The following PRKAR1B variants were observed in gnomAD, a reference collection of about 807,000 sequenced individuals.
PRKAR1B encodes the protein protein kinase cAMP-dependent type I regulatory subunit beta.
Under a neutral mutation model 46.5 loss-of-function variants are expected in PRKAR1B, and 22 were observed. The ratio of observed to expected loss-of-function variants is 0.47; its 90% CI spans 0.34 to 0.68. The LOEUF is 0.68. Among genes scored for constraint, PRKAR1B ranks in the 30% least tolerant of loss-of-function variants. The pLI is 0.01. For missense variants in PRKAR1B, 445 were observed against 535.6 expected (o/e 0.83, Z 1.67); for synonymous variants, 259 against 217.7 (o/e 1.19, Z -1.67).
At chr7:664,982 C>T (rs758264066) in intron 4 of PRKAR1B, among the ~76,000 whole-genome samples, 30 of 152,136 alleles carry the variant, frequency 2.0e-4, no homozygotes, top group Non-Finnish European at 3.8e-4. Context: ...ACGCAGGCCA[C>T]GATCACCTGG....
At chr7:717,380 G>C (rs1780918939) in intron 1 of PRKAR1B, among the ~76,000 whole-genome samples, 1 of 152,106 alleles carries the variant, frequency 6.6e-6, no homozygotes, top group African/African-American at 2.4e-5. Context: ...AATGTGGCCA[G>C]GCATCGTGGC....
rs1235354213 is a variant in PRKAR1B, at chr7:602,290, A to T, written c.549+3903T>A. ...AGGAGTTACAGACGGCGGCGGGGGG[A>T]GGGGGGGTCTGTCCTGCTGGAAGGA... On this transcript the variant is annotated intron_variant, in intron 6 of 10. Coordinates refer to ENST00000537384, the MANE Select transcript of PRKAR1B (RefSeq NM_001164760.2). The surrounding 1 kb of genome is among the most constrained non-coding windows in gnomAD (Gnocchi z 6.4). Among the ~76,000 whole-genome samples, 1 of 140,080 alleles carries T rather than the reference A, an allele frequency of 7.1e-6. No homozygotes were observed. Among genetic ancestry groups the T allele is most frequent in the Non-Finnish European group, 1.6e-5 (1 of 63,186 alleles). The allele number at this position is 140,080 out of a possible 152,430, so 91.9% of individuals were successfully genotyped here. A position where few individuals can be genotyped will look rare whatever the true frequency, so the allele number is the denominator to read the frequency against.
intron 4 of PRKAR1B, among the ~76,000 whole-genome samples, chr7:672,092 G>A (rs963529828): frequency 5.3e-5 from 8 of 152,204 alleles, no homozygotes; most frequent in African/African-American, 1.7e-4. Flanking sequence ...AACCCTGCAC[G>A]GAGCCTGGCA....
intron 2 of PRKAR1B, chr7:691,808 C>T: frequency 2.5e-6 from 3 of 1,185,222 alleles, no homozygotes; most frequent in Non-Finnish European, 3.2e-6. Flanking sequence ...GACGGCGCAT[C>T]CCCTGAACTC....
intron 9 of PRKAR1B, among the ~76,000 whole-genome samples, chr7:561,233 C>T (rs947251335): frequency 1.3e-5 from 2 of 151,516 alleles, no homozygotes; most frequent in South Asian, 2.1e-4. Flanking sequence ...CAAACCTGTG[C>T]GCACACACCT....
chr7:657,101 GTGAA>G lies in PRKAR1B; in HGVS notation c.440+20124_440+20127del, dbSNP rs1333275111. Among the ~76,000 whole-genome samples, 14 of 150,378 alleles carry G rather than the reference GTGAA, an allele frequency of 9.3e-5. No homozygotes were observed. The East Asian group carries it at 2.8e-3, about 30-fold the overall frequency. On this transcript the variant is annotated intron_variant, in intron 4 of 10. Transcript: ENST00000537384. ...GGTGAATGAATGAAAGGATGCATGA[GTGAA>G]TGCATGGATGGATGGATGGATAGAT...
At chr7:693,860 G>A (rs762572164) in intron 2 of PRKAR1B, among the ~76,000 whole-genome samples, 12 of 152,116 alleles carry the variant, frequency 7.9e-5, no homozygotes, top group East Asian at 1.9e-4. Context: ...TCACATTCCC[G>A]ACAGCAGCGC....
intron 8 of PRKAR1B, among the ~76,000 whole-genome samples, chr7:583,761 C>G (rs958677530): frequency 1.3e-5 from 2 of 151,602 alleles, no homozygotes; most frequent in Non-Finnish European, 2.9e-5. Flanking sequence ...TGTGCACTCG[C>G]ACCCATGCAC....
chr7:606,076 A>T, intron 6 of PRKAR1B, 117 bp downstream of exon 6: 1 of 914,928 alleles, frequency 1.1e-6, no homozygotes, highest in Non-Finnish European at 1.8e-6. Context: ...TTAAAACACT[A>T]GGAATACGGC....
intron 4 of PRKAR1B, among the ~76,000 whole-genome samples, chr7:672,238 C>T (rs146753236): frequency 8.9e-4 from 136 of 152,124 alleles, no homozygotes; most frequent in African/African-American, 3.1e-3. Flanking sequence ...GCAATCTCCG[C>T]CACCCGGGTT....
intron 4 of PRKAR1B, among the ~76,000 whole-genome samples, chr7:671,381 G>A (rs996718840): frequency 6.6e-6 from 1 of 152,234 alleles, no homozygotes. Context: ...AGGGACGGGT[G>A]AGTTCCAAGA....
chr7:710,033 T>C (rs1780537447), intron 2 of PRKAR1B, among the ~76,000 whole-genome samples: 1 of 152,222 alleles, frequency 6.6e-6, no homozygotes, highest in Non-Finnish European at 1.5e-5. Flanking sequence ...TCCGAACTTT[T>C]CAAATTTCCC....
intron 1 of PRKAR1B, among the ~76,000 whole-genome samples, chr7:713,976 AAC>A (rs1780783285): frequency 6.6e-6 from 1 of 151,910 alleles, no homozygotes; most frequent in Admixed American, 6.6e-5. Flanking sequence ...TCTGAATTAG[AAC>A]TCCATCCCAC....
chr7:676,843 G>T (rs960456834), intron 4 of PRKAR1B, among the ~76,000 whole-genome samples: 2 of 152,050 alleles, frequency 1.3e-5, no homozygotes, highest in African/African-American at 4.8e-5. Flanking sequence ...GGCAAGGAGG[G>T]TGGTGGTGAT....
intron 4 of PRKAR1B, among the ~76,000 whole-genome samples, chr7:659,154 G>A (rs932613015): frequency 6.6e-6 from 1 of 152,042 alleles, no homozygotes; most frequent in Admixed American, 6.6e-5. Context: ...CCCACCCCCT[G>A]CACCACCTTG....
At chr7:600,576 C>T (rs569002732) in intron 6 of PRKAR1B, among the ~76,000 whole-genome samples, 213 of 152,382 alleles carry the variant, frequency 1.4e-3, no homozygotes, top group Non-Finnish European at 1.5e-3. Context: ...CAAGCTGAGG[C>T]GCCCTGCTCC....
chr7:663,920 A>C (rs527610730), intron 4 of PRKAR1B, among the ~76,000 whole-genome samples: 1 of 152,338 alleles, frequency 6.6e-6, no homozygotes, highest in South Asian at 2.1e-4. Context: ...GCCTGGTCTC[A>C]GGAGGGCTGA....
intron 2 of PRKAR1B, among the ~76,000 whole-genome samples, chr7:702,870 G>C (rs1403116638): frequency 1.3e-5 from 2 of 151,384 alleles, no homozygotes; most frequent in African/African-American, 2.4e-5. Flanking sequence ...AAATAAAGAT[G>C]CATCATAATA....
At chr7:586,085 A>G (rs757907453) in intron 7 of PRKAR1B, among the ~76,000 whole-genome samples, 1 of 152,102 alleles carries the variant, frequency 6.6e-6, no homozygotes. Context: ...CTGGGGCTGC[A>G]GCAGCCATCC....
Sources: allele counts gnomAD v4.1 joint callset (sites outside exome capture counted in the v4.1 genomes callset), GRCh38; gene constraint gnomAD v4.1.1; non-coding constraint Gnocchi (gnomAD v3.1); transcripts MANE v1.5; gene names NCBI Gene and HGNC (gene_info 2026-07-23, HGNC 2026-07-21).